UBE2F: variants seen among roughly 807,000 people sequenced by gnomAD.
UBE2F encodes the protein NEDD8-conjugating enzyme UBE2F.
Under a neutral mutation model 29.6 loss-of-function variants are expected in UBE2F, and 5 were observed. The ratio of observed to expected loss-of-function variants is 0.17; its 90% CI spans 0.09 to 0.36. UBE2F has a LOEUF of 0.36. Among genes scored for constraint, UBE2F ranks in the 10% least tolerant of loss-of-function variants. UBE2F has a pLI of 1.00. For synonymous variants in UBE2F, 66 were observed against 81.8 expected (o/e 0.81, Z 1.04); for missense variants, 141 against 228.5 (o/e 0.62, Z 2.47).
At chr2:238,026,178 C>T (rs999853937) in intron 6 of UBE2F, among the ~76,000 whole-genome samples, 22 of 152,294 alleles carry the variant, frequency 1.4e-4, no homozygotes, top group Non-Finnish European at 3.2e-4. Flanking sequence ...CCCGGCTGCC[C>T]GGGGCAGCTG....
At position 237,969,791 on chromosome 2, in the gene UBE2F, G is replaced by A. The variant is rs1242128403; in HGVS notation, c.-17+2659G>A. ...GAGCTTGGCTCTAGATGGTGCTGCT[G>A]TCTGTGGTAGCTAAAGCCCCTACAG... On this transcript the variant is annotated intron_variant, in intron 1 of 9. Coordinates refer to ENST00000272930, the MANE Select transcript of UBE2F (RefSeq NM_080678.3). 5.9e-5 allele frequency among the ~76,000 whole-genome samples: 9 copies of A among 152,284 alleles called. 1 individual carries two copies. Among genetic ancestry groups the A allele is most frequent in the Admixed American group, 5.2e-4 (8 of 15,302 alleles).
At chr2:238,018,982 T>A (rs1034382084) in intron 5 of UBE2F, among the ~76,000 whole-genome samples, 65 of 152,234 alleles carry the variant, frequency 4.3e-4, no homozygotes, top group African/African-American at 1.4e-3. Flanking sequence ...CTTATTAGTT[T>A]CCCTTATTAG....
chr2:238,034,362 A>T (rs2064655936), intron 8 of UBE2F, among the ~76,000 whole-genome samples: 1 of 151,940 alleles, frequency 6.6e-6, no homozygotes. Flanking sequence ...CAAGAGGTGG[A>T]GGTTGCAGTG....
intron 3 of UBE2F, chr2:237,990,517 C>G (rs1156799888): frequency 1.0e-5 from 4 of 385,626 alleles, no homozygotes; most frequent in Non-Finnish European, 2.0e-5. Flanking sequence ...ATCTTCCCAC[C>G]TCAGTCTCCT....
At position 238,040,708 on chromosome 2, in the gene UBE2F, C is replaced by T. The variant is rs1447179638; in HGVS notation, c.508-580C>T. On this transcript the variant is annotated intron_variant, in intron 9 of 9. Coordinates refer to ENST00000272930, the MANE Select transcript of UBE2F (RefSeq NM_080678.3). The surrounding 1 kb of genome is among the most constrained non-coding windows in gnomAD (Gnocchi z 4.4). ...GCCTGGGGTGATTCCTAGGTCCACA[C>T]CGCCTTTGGTCACTGTCCACCTTCA... is the stretch of plus-strand genomic sequence containing the variant. 2.0e-5 allele frequency among the ~76,000 whole-genome samples: 3 copies of T among 152,152 alleles called. No homozygotes were observed. The highest frequency in any genetic ancestry group is 6.6e-5 in the Admixed American group (1 of 15,264).
Position 238,041,543 on chromosome 2 carries a change from T to C in UBE2F, c.*205T>C, listed in dbSNP as rs2064837501. Reference sequence around the variant, plus strand: ...ATTCAACATAAATACAGCAAGAAAATGTGTTTGGGCTTCTGAAGAGTTGTC... The same window carrying C: ...ATTCAACATAAATACAGCAAGAAAACGTGTTTGGGCTTCTGAAGAGTTGTC... On this transcript the variant is annotated 3_prime_UTR_variant, in exon 10 of 10. Coordinates refer to ENST00000272930, the MANE Select transcript of UBE2F (RefSeq NM_080678.3). The C allele has an allele frequency of 1.8e-6, 1 of 545,660 alleles. No individual in the cohort carries two copies. Among genetic ancestry groups the C allele is most frequent in the Non-Finnish European group, 3.3e-6 (1 of 305,736 alleles). The allele number at this position is 545,660 out of a possible 1,614,324, so 33.8% of individuals were successfully genotyped here.
At chr2:237,999,119 G>A (rs2063743704) in intron 4 of UBE2F, among the ~76,000 whole-genome samples, 1 of 151,018 alleles carries the variant, frequency 6.6e-6, no homozygotes, top group African/African-American at 2.5e-5. Context: ...GTCTCGCTCT[G>A]TCACCCAGGC....
intron 9 of UBE2F, among the ~76,000 whole-genome samples, chr2:238,037,969 C>G (rs7563804): frequency 0.097 from 14,723 of 152,240 alleles, 1,011 homozygotes; most frequent in African/African-American, 0.2. Flanking sequence ...GCCTTGGCTT[C>G]TGTTAATGTT....
At chr2:237,991,596 C>G (rs1454983846) in intron 3 of UBE2F, among the ~76,000 whole-genome samples, 2 of 50,196 alleles carry the variant, frequency 4.0e-5, no homozygotes, top group African/African-American at 8.4e-5. Context: ...CCTTTCTTTT[C>G]TTTTCTTTCT....
At chr2:237,998,793 A>G (rs1239388462) in intron 4 of UBE2F, among the ~76,000 whole-genome samples, 1 of 152,154 alleles carries the variant, frequency 6.6e-6, no homozygotes, top group Non-Finnish European at 1.5e-5. Context: ...TGTTCTACAC[A>G]TATATCAACA....
chr2:238,013,418 C>T (rs1055925914), intron 4 of UBE2F, among the ~76,000 whole-genome samples: 9 of 152,104 alleles, frequency 5.9e-5, no homozygotes, highest in South Asian at 2.1e-4. Flanking sequence ...CAGTGCGTCA[C>T]GGGTACTTTT....
chr2:238,000,392 A>T (rs1415143745), intron 4 of UBE2F, among the ~76,000 whole-genome samples: 1 of 152,092 alleles, frequency 6.6e-6, no homozygotes, highest in African/African-American at 2.4e-5. Flanking sequence ...GTGTGTATGT[A>T]TCTATTTTAG....
intron 4 of UBE2F, among the ~76,000 whole-genome samples, chr2:237,999,961 A>G (rs1199190084): frequency 6.6e-6 from 1 of 151,696 alleles, no homozygotes; most frequent in Non-Finnish European, 1.5e-5. Context: ...AGTACCTGGG[A>G]TTACAGGTGC....
At chr2:238,033,668 T>C (rs2064638311) in intron 8 of UBE2F, among the ~76,000 whole-genome samples, 1 of 152,346 alleles carries the variant, frequency 6.6e-6, no homozygotes, top group Admixed American at 6.5e-5. Context: ...CTTTTGTCTT[T>C]CTGTCAGATG....
chr2:237,995,688 G>C (rs935008599), intron 4 of UBE2F, among the ~76,000 whole-genome samples: 9 of 152,294 alleles, frequency 5.9e-5, no homozygotes, highest in South Asian at 2.1e-4. Context: ...TTGTCTCTCT[G>C]TAGGTAGGAT....
In UBE2F at chr2:238,040,769, C is replaced by T. The variant is rs1055480088; in HGVS notation, c.508-519C>T. ...TGAGGATGGAGCTCTGTGGCACACC[C>T]AGCTCTCTTCTGGGCAGGGTGGTCA... is the stretch of plus-strand genomic sequence containing the variant. On this transcript the variant is annotated intron_variant, in intron 9 of 9. Coordinates refer to ENST00000272930, the MANE Select transcript of UBE2F (RefSeq NM_080678.3). The surrounding 1 kb of genome is among the most constrained non-coding windows in gnomAD (Gnocchi z 4.4). 2.0e-5 allele frequency among the ~76,000 whole-genome samples: 3 copies of T among 152,090 alleles called. No individual in the cohort carries two copies. Among genetic ancestry groups the T allele is most frequent in the African/African-American group, 7.2e-5 (3 of 41,398 alleles).
At chr2:237,994,721 C>T (rs2063657410) in intron 3 of UBE2F, 23 bp from the exon 4 acceptor site, 1 of 1,610,460 alleles carries the variant, frequency 6.2e-7, no homozygotes, top group South Asian at 1.1e-5. Flanking sequence ...CCAGACCTTC[C>T]TGATGTGCTG....
intron 8 of UBE2F, among the ~76,000 whole-genome samples, chr2:238,033,934 TTTGA>T (rs903744585): frequency 9.9e-5 from 15 of 152,272 alleles, no homozygotes; most frequent in African/African-American, 3.6e-4. Flanking sequence ...CATCTCCAGA[TTTGA>T]TTGAGAGAGC....
intron 2 of UBE2F, among the ~76,000 whole-genome samples, chr2:237,985,613 G>A (rs1324125216): frequency 6.6e-6 from 1 of 152,184 alleles, no homozygotes; most frequent in Non-Finnish European, 1.5e-5. Flanking sequence ...GTGACACTTA[G>A]GTTATTTCCA....
Sources: gnomAD v4.1 joint callset for allele counts (sites outside exome capture counted in the v4.1 genomes callset) on GRCh38, gnomAD v4.1.1 for gene constraint, Gnocchi (gnomAD v3.1) non-coding constraint, MANE v1.5 for transcripts, NCBI Gene and HGNC (gene_info 2026-07-23, HGNC 2026-07-21) for gene names.